The following FIGNL2 variants were observed in gnomAD, a reference collection of about 807,000 sequenced individuals.
FIGNL2 encodes fidgetin like 2, also known as fidgetin-like protein 2.
For missense variants in FIGNL2, 1,060 were observed against 950.2 expected, an observed-to-expected ratio of 1.12 and a Z score of -1.52; for synonymous variants, 565 against 484.0, an observed-to-expected ratio of 1.17 and a Z score of -2.20.
Position 51,830,786 on chromosome 12 carries a change from G to A in FIGNL2, c.-11-8362C>T, listed in dbSNP as rs370328376. 9.2e-5 allele frequency among the ~76,000 whole-genome samples: 14 copies of A among 151,586 alleles called. No individual in the cohort carries two copies. In the East Asian group the frequency reaches 9.7e-4, roughly 11 times the overall value. ...ATTACAGGCATGAGCCACCACACCC[G>A]GCCTACGCTCTTTTTTTCTTGAGAC... On this transcript the variant is annotated intron_variant, in intron 1 of 1. Coordinates refer to ENST00000618634, the MANE Select transcript of FIGNL2 (RefSeq NM_001384995.1).
intron 1 of FIGNL2, among the ~76,000 whole-genome samples, chr12:51,829,349 G>A (rs1238718415): frequency 1.3e-5 from 2 of 152,170 alleles, no homozygotes; most frequent in Non-Finnish European, 2.9e-5. Context: ...CCTCCTCTAG[G>A]CCCTCTCCCT....
At chr12:51,824,285 A>G (rs1320454864) in intron 1 of FIGNL2, 1 of 152,204 alleles carries the variant, frequency 6.6e-6, no homozygotes, top group Non-Finnish European at 1.5e-5. Flanking sequence ...GTGGGTGTAT[A>G]TAGTCGAAGA....
rs574976558 is a variant in FIGNL2 at position 51,822,180 on chromosome 12, C to T, written c.234G>A (p.Pro78=). The change falls in exon 2 of 2, where the codon CCG becomes CCA. Residue 78 remains proline (P), a synonymous_variant. Transcript: ENST00000618634. Reference sequence around the variant, plus strand: ...AGGCGTCGCTGTACCCGCCCAGGGCCGGACGCTCGTAGGGAGAATCCAAGA... The same window carrying T: ...AGGCGTCGCTGTACCCGCCCAGGGCTGGACGCTCGTAGGGAGAATCCAAGA... ...SGVLDSPYER[P]ALGGYSDASF... is the part of the protein sequence containing the mutation. The T allele has an allele frequency of 1.9e-6, 3 of 1,611,624 alleles. No individual in the cohort carries two copies. Among genetic ancestry groups the T allele is most frequent in the East Asian group, 2.2e-5 (1 of 44,758 alleles).
chr12:51,830,057 G>A (rs539213080), intron 1 of FIGNL2, among the ~76,000 whole-genome samples: 1 of 152,152 alleles, frequency 6.6e-6, no homozygotes, highest in African/African-American at 2.4e-5. Context: ...GGAAGGGTGA[G>A]GGAGGCGGAT....
At chr12:51,836,097 C>T (rs1355304988) in intron 1 of FIGNL2, among the ~76,000 whole-genome samples, 1 of 152,190 alleles carries the variant, frequency 6.6e-6, no homozygotes, top group East Asian at 1.9e-4. Flanking sequence ...AGGAGTGAGC[C>T]ACCGTGCCCT....
chr12:51,840,510 C>T (rs987845155), intron 1 of FIGNL2, among the ~76,000 whole-genome samples: 13 of 152,138 alleles, frequency 8.5e-5, no homozygotes, highest in Non-Finnish European at 1.5e-4. Context: ...CTGAGGCAGG[C>T]TGATCACCTG....
In FIGNL2 at chr12:51,820,338, T is replaced by A; in HGVS notation, c.*114A>T. On this transcript the variant is annotated 3_prime_UTR_variant, in exon 2 of 2. Transcript: ENST00000618634. ...ACCGGCAGACCCCTCCTGTCCCCGA[T>A]CCCACATTCACCACTCCAGCCCCTG... 4 of 1,357,950 alleles carry A rather than the reference T, an allele frequency of 2.9e-6. No homozygotes were observed. The highest frequency in any genetic ancestry group is 3.9e-6 in the Non-Finnish European group (4 of 1,021,160). The allele number at this position is 1,357,950 out of a possible 1,614,324, so 84.1% of individuals were successfully genotyped here. A position where few individuals can be genotyped will look rare whatever the true frequency, so the allele number is the denominator to read the frequency against.
rs772384557 is a variant in FIGNL2 at position 51,821,255 on chromosome 12, G to A, written c.1159C>T (p.Pro387Ser). The A allele has an allele frequency of 2.6e-6, 4 of 1,525,978 alleles. No individual in the cohort carries two copies. The South Asian group carries it at 3.6e-5, about 14-fold the overall frequency. The allele number at this position is 1,525,978 out of a possible 1,614,324, so 94.5% of individuals were successfully genotyped here. A position where few individuals can be genotyped will look rare whatever the true frequency, so the allele number is the denominator to read the frequency against. ...LVTSKMVDCG[P>S]PVQWADVAGQ... is the part of the protein sequence containing the mutation. ...GCCACATCCGCCCACTGCACCGGGG[G>A]CCCGCAGTCCACCATCTTGCTCGTC... The change falls in exon 2 of 2, where the codon CCC becomes TCC. Residue 387 changes from proline to serine, a missense_variant. Physicochemically the swap from Pro to Ser is moderately conservative, Grantham distance 74 (BLOSUM62 -1). Coordinates refer to ENST00000618634, the MANE Select transcript of FIGNL2 (RefSeq NM_001384995.1).
rs1939146830 is a variant in FIGNL2, at chr12:51,820,443, C to T, written c.*9G>A. On this transcript the variant is annotated 3_prime_UTR_variant, in exon 2 of 2. Transcript: ENST00000618634. ...GGACTGCGGCTCCCGCGGCCTCCCCCGCGCGCCGTCAGTGTCCGGAGCCGT... is the reference window on the plus strand; with the variant it reads ...GGACTGCGGCTCCCGCGGCCTCCCCTGCGCGCCGTCAGTGTCCGGAGCCGT... 2 of 1,583,788 alleles carry T rather than the reference C, an allele frequency of 1.3e-6. No individual in the cohort carries two copies. Among genetic ancestry groups the T allele is most frequent in the Non-Finnish European group, 8.5e-7 (1 of 1,173,312 alleles).
Position 51,821,658 on chromosome 12 carries a change from G to A in FIGNL2, c.756C>T (p.Phe252=). The A allele has an allele frequency of 1.4e-6, 2 of 1,461,104 alleles. No homozygotes were observed. Among genetic ancestry groups the A allele is most frequent in the Non-Finnish European group, 1.8e-6 (2 of 1,112,932 alleles). The allele number at this position is 1,461,104 out of a possible 1,614,324, so 90.5% of individuals were successfully genotyped here. A position where few individuals can be genotyped will look rare whatever the true frequency, so the allele number is the denominator to read the frequency against. ...ATTCGGCACCCGGCGCGGCCGTGGG[G>A]AAGCCATAGGCGGTGGGCGGTGCCG... ...PAPAPPTAYG[F]PTAAPGAESG... Residue 252 remains phenylalanine, a synonymous_variant, in exon 2 of 2, where the codon TTC becomes TTT. Transcript: ENST00000618634.
Position 51,818,543 on chromosome 12 carries a change from G to C in FIGNL2, c.*1909C>G, listed in dbSNP as rs74092808. The C allele has an allele frequency of 6.3e-4, 96 of 152,394 alleles. No individual in the cohort carries two copies. The highest frequency in any genetic ancestry group is 1.2e-3 in the South Asian group (6 of 4,834). The allele number at this position is 152,394 out of a possible 1,614,324, so 9.4% of individuals were successfully genotyped here. On this transcript the variant is annotated 3_prime_UTR_variant, in exon 2 of 2. Transcript: ENST00000618634. ...GAGGGGGCCAGAAAGCAACGGGGGTGGGGGGGAACAGAGCAGCCTTCTGGT... is the reference window on the plus strand; with the variant it reads ...GAGGGGGCCAGAAAGCAACGGGGGTCGGGGGGAACAGAGCAGCCTTCTGGT...
At position 51,821,335 on chromosome 12, in the gene FIGNL2, G is replaced by A. The variant is rs1474514286; in HGVS notation, c.1079C>T (p.Ala360Val). ...ERAPAPRGGF[A>V]VPSGETPKGV... ...TTTGGGAGTCTCCCCCGACGGCACG[G>A]CGAACCCCCCACGAGGAGCCGGGGC... The change falls in exon 2 of 2, where the codon GCC becomes GTC. Residue 360 changes from alanine to valine, a missense_variant. Ala to Val is a moderately conservative substitution (Grantham distance 64, BLOSUM62 0). Coordinates refer to ENST00000618634, the MANE Select transcript of FIGNL2 (RefSeq NM_001384995.1). 20 of 1,501,824 alleles carry A rather than the reference G, an allele frequency of 1.3e-5. No individual in the cohort carries two copies. Among genetic ancestry groups the A allele is most frequent in the Admixed American group, 8.6e-5 (4 of 46,344 alleles). The allele number at this position is 1,501,824 out of a possible 1,614,324, so 93.0% of individuals were successfully genotyped here.
At chr12:51,846,315 G>A (rs1255349265) in intron 1 of FIGNL2, among the ~76,000 whole-genome samples, 2 of 152,202 alleles carry the variant, frequency 1.3e-5, no homozygotes, top group African/African-American at 2.4e-5. Flanking sequence ...GAGGAGGTGC[G>A]CATCCGAGTT....
intron 1 of FIGNL2, among the ~76,000 whole-genome samples, chr12:51,823,831 G>A (rs1276708466): frequency 6.6e-6 from 1 of 152,210 alleles, no homozygotes; most frequent in Non-Finnish European, 1.5e-5. Flanking sequence ...AGATTGAAAG[G>A]TGAATAGGAT....
chr12:51,845,082 G>C (rs1361600318), intron 1 of FIGNL2, among the ~76,000 whole-genome samples: 2 of 152,298 alleles, frequency 1.3e-5, no homozygotes, highest in South Asian at 4.1e-4. Context: ...TCAATTAACG[G>C]AAGTGCATTT....
chr12:51,846,284 C>G (rs1171476050), intron 1 of FIGNL2, among the ~76,000 whole-genome samples: 1 of 152,146 alleles, frequency 6.6e-6, no homozygotes, highest in African/African-American at 2.4e-5. Context: ...GACAGAAGCT[C>G]GGGGCTGGGG....
chr12:51,837,310 G>T (rs1939594403), intron 1 of FIGNL2, among the ~76,000 whole-genome samples: 1 of 152,128 alleles, frequency 6.6e-6, no homozygotes, highest in Non-Finnish European at 1.5e-5. Context: ...CTCAAAGAAG[G>T]TCCGGGGGAG....
chr12:51,837,320 G>A (rs1939594627), intron 1 of FIGNL2, among the ~76,000 whole-genome samples: 1 of 152,288 alleles, frequency 6.6e-6, no homozygotes, highest in South Asian at 2.1e-4. Context: ...GTCCGGGGGA[G>A]CTGGGAACTG....
In FIGNL2 at chr12:51,821,604, G is replaced by A. The variant is rs1302276740; in HGVS notation, c.810C>T (p.Ala270=). The part of the protein sequence containing the change: ...ESGLSLKRKA[A]DEGPEGRYRK... ...GGTAGCGGCCCTCGGGCCCCTCGTC[G>A]GCGGCCTTGCGCTTCAGCGACAGCC... The change falls in exon 2 of 2, where the codon GCC becomes GCT. Residue 270 remains alanine, a synonymous_variant. Coordinates refer to ENST00000618634, the MANE Select transcript of FIGNL2 (RefSeq NM_001384995.1). 6.6e-7 allele frequency: 1 copy of A among 1,505,640 alleles called. No homozygotes were observed. The highest frequency in any genetic ancestry group is 8.8e-7 in the Non-Finnish European group (1 of 1,133,262). The allele number at this position is 1,505,640 out of a possible 1,614,324, so 93.3% of individuals were successfully genotyped here.
Sources: gnomAD v4.1 joint callset for allele counts (sites outside exome capture counted in the v4.1 genomes callset) on GRCh38, gnomAD v4.1.1 for gene constraint, MANE v1.5 for transcripts, NCBI Gene and HGNC (gene_info 2026-07-23, HGNC 2026-07-21) for gene names.